Variants in NME1 observed in about 807,000 individuals in gnomAD.
NME1 encodes the protein NME/NM23 nucleoside diphosphate kinase 1.
Under a neutral mutation model 17.2 loss-of-function variants are expected in NME1, and 9 were observed. The ratio of observed to expected loss-of-function variants is 0.52; its 90% CI spans 0.32 to 0.92. The LOEUF is 0.92. NME1 is among the 40% of genes least tolerant of loss of function. The pLI is 0.04. For synonymous variants in NME1, 72 were observed against 70.8 expected (o/e 1.02, Z -0.09); for missense variants, 169 against 201.7 (o/e 0.84, Z 0.98).
chr17:51,160,976 A>G, intron 3 of NME1, 184 bp from the exon 4 acceptor site: 1 of 735,384 alleles, frequency 1.4e-6, no homozygotes, highest in Non-Finnish European at 2.4e-6. Context: ...AAAGGCAAGC[A>G]TGAGGGCAGG....
intron 1 of NME1, chr17:51,154,482 C>CT: frequency 6.4e-7 from 1 of 1,556,798 alleles, no homozygotes; most frequent in Non-Finnish European, 8.9e-7. Flanking sequence ...AATGAGGGAT[C>CT]TGGACGGAAT....
intron 2 of NME1, among the ~76,000 whole-genome samples, chr17:51,158,761 C>T (rs892947393): frequency 6.6e-6 from 1 of 152,188 alleles, no homozygotes; most frequent in Non-Finnish European, 1.5e-5. Flanking sequence ...AACCATGGGA[C>T]CCTGTTAGAT....
At chr17:51,160,157 GATACAGCC>G (rs765514298) in intron 3 of NME1, 76 bp downstream of exon 3, 1 of 1,525,710 alleles carries the variant, frequency 6.6e-7, no homozygotes, top group Non-Finnish European at 9.1e-7. Context: ...AGACACTGGG[GATACAGCC>G]ATGAATGAGA....
At chr17:51,155,181 G>A (rs1025788728) in intron 1 of NME1, among the ~76,000 whole-genome samples, 1 of 150,642 alleles carries the variant, frequency 6.6e-6, no homozygotes, top group African/African-American at 2.5e-5. Flanking sequence ...AGTGGAGGTT[G>A]CAGTGAGCCA....
chr17:51,157,940 C>A (rs989695640), intron 2 of NME1, among the ~76,000 whole-genome samples: 3 of 152,116 alleles, frequency 2.0e-5, no homozygotes, highest in Admixed American at 2.0e-4. Context: ...GGTTCCCAAC[C>A]CCCAAGCCCT....
chr17:51,160,104 C>G (rs1236099696), intron 3 of NME1, 23 bp downstream of exon 3: 5 of 1,612,746 alleles, frequency 3.1e-6, no homozygotes, highest in Non-Finnish European at 2.5e-6. Flanking sequence ...GTGTGGGATA[C>G]TCCAAGTATG....
At chr17:51,156,581 G>T (rs2049788995) in intron 2 of NME1, 1 of 152,356 alleles carries the variant, frequency 6.6e-6, no homozygotes, top group Non-Finnish European at 1.5e-5. Flanking sequence ...CAGCTATTCG[G>T]CAGGCTGAGA....
In NME1 at chr17:51,162,031, C is replaced by T; in HGVS notation, c.*186C>T. 1.7e-6 allele frequency: 1 copy of T among 581,486 alleles called. No individual in the cohort carries two copies. Among genetic ancestry groups the T allele is most frequent in the African/African-American group, 1.9e-5 (1 of 53,608 alleles). 36.0% of individuals were successfully genotyped at this position (581,486 alleles called of 1,614,324 possible). ...ACCATCTGATTAAAATGCTTCCTCC[C>T]AGCATAGGATTCATTGAGTTGGTTA... On this transcript the variant is annotated 3_prime_UTR_variant, in exon 5 of 5. Transcript: ENST00000393196.
intron 1 of NME1, chr17:51,154,096 A>G (rs956145339): frequency 1.9e-5 from 9 of 466,018 alleles, no homozygotes; most frequent in Non-Finnish European, 3.5e-5. Context: ...CTCCTGGACA[A>G]TTTATGCTTG....
At chr17:51,154,380 C>T in intron 1 of NME1, 1 of 1,613,974 alleles carries the variant, frequency 6.2e-7, no homozygotes, top group South Asian at 1.1e-5. Flanking sequence ...AGAGATGGTG[C>T]TACTGTCTAC....
At chr17:51,161,482 A>G (rs2049863854) in intron 4 of NME1, 1 of 673,880 alleles carries the variant, frequency 1.5e-6, no homozygotes, top group Non-Finnish European at 2.6e-6. Flanking sequence ...AACCTGGTAC[A>G]ACACACTTTG....
intron 4 of NME1, 77 bp downstream of exon 4, chr17:51,161,349 G>A: frequency 5.3e-6 from 7 of 1,324,072 alleles, no homozygotes. Context: ...CGAGGCTGGA[G>A]GTAGACATGA....
chr17:51,161,400 C>G, intron 4 of NME1, 128 bp downstream of exon 4: 1 of 980,550 alleles, frequency 1.0e-6, no homozygotes, highest in South Asian at 1.4e-5. Context: ...TATTGTTTTC[C>G]TCCCTCTTAA....
chr17:51,158,546 A>G (rs966238757), intron 2 of NME1, among the ~76,000 whole-genome samples: 1 of 152,238 alleles, frequency 6.6e-6, no homozygotes, highest in Non-Finnish European at 1.5e-5. Context: ...TTCCACAACA[A>G]AAGTCTTCCA....
chr17:51,155,724 A>T lies in NME1; in HGVS notation c.70A>T (p.Ile24Phe). 6.2e-7 allele frequency: 1 copy of T among 1,614,136 alleles called. No homozygotes were observed. Among genetic ancestry groups the T allele is most frequent in the Non-Finnish European group, 8.5e-7 (1 of 1,180,000 alleles). Residue 24 changes from isoleucine to phenylalanine, a missense_variant, in exon 2 of 5, where the codon ATT becomes TTT. By Grantham distance (21) the Ile-to-Phe change is conservative. Transcript: ENST00000393196. ...DGVQRGLVGE[I>F]IKRFEQKGFR... ...GGTCCAGCGGGGTCTTGTGGGAGAG[A>T]TTATCAAGCGTTTTGAGCAGAAAGG...
At chr17:51,154,078 C>G in intron 1 of NME1, 2 of 432,112 alleles carry the variant, frequency 4.6e-6, no homozygotes, top group East Asian at 8.6e-5. Flanking sequence ...GCGCTTTAGT[C>G]CTGTTTTCTC....
intron 2 of NME1, among the ~76,000 whole-genome samples, chr17:51,157,367 G>A (rs543331677): frequency 6.6e-6 from 1 of 152,264 alleles, no homozygotes; most frequent in South Asian, 2.1e-4. Context: ...AATAGCAAGA[G>A]AGTGCAAGAG....
At chr17:51,155,622 G>A (rs2049774280) in intron 1 of NME1, 29 bp from the exon 2 acceptor site, 1 of 1,612,434 alleles carries the variant, frequency 6.2e-7, no homozygotes, top group Non-Finnish European at 8.5e-7. Flanking sequence ...ATTCACTGCT[G>A]TTTCATTCCT....
At chr17:51,157,814 T>G (rs1347838678) in intron 2 of NME1, among the ~76,000 whole-genome samples, 2 of 152,090 alleles carry the variant, frequency 1.3e-5, no homozygotes, top group Non-Finnish European at 2.9e-5. Context: ...TCCTTTACAT[T>G]GAATTTCCTA....
Sources: allele counts gnomAD v4.1 joint callset (sites outside exome capture counted in the v4.1 genomes callset), GRCh38; gene constraint gnomAD v4.1.1; transcripts MANE v1.5; gene names NCBI Gene and HGNC (gene_info 2026-07-23, HGNC 2026-07-21).